Variants in NDOR1 observed in about 807,000 individuals in gnomAD.
The protein encoded by NDOR1 is NADPH dependent diflavin oxidoreductase 1, also known as NADPH-dependent diflavin oxidoreductase 1.
In NDOR1, 61 loss-of-function variants were observed where a neutral mutation model predicts 67.2. That is an observed-to-expected ratio of 0.91 (90% CI 0.74 to 1.12). The LOEUF (loss-of-function observed/expected upper bound fraction) is 1.12. Among genes scored for constraint, NDOR1 ranks in the 50% most tolerant of loss-of-function variants. The pLI is 0.00. For synonymous variants in NDOR1, 378 were observed against 343.7 expected (o/e 1.10, Z -1.10); for missense variants, 878 against 802.8 (o/e 1.09, Z -1.13).
intron 2 of NDOR1, 51 bp downstream of exon 2, chr9:137,206,360 C>T (rs972294854): frequency 6.3e-7 from 1 of 1,577,922 alleles, no homozygotes; most frequent in Admixed American, 1.7e-5. Flanking sequence ...GACCCTCACC[C>T]CGTTTTCATT....
rs149635086 is a variant in NDOR1, at chr9:137,215,396, G to A, written c.1174-11G>A. The A allele has an allele frequency of 3.1e-3, 2,567 of 836,864 alleles. 45 individuals carry two copies. In the African/African-American group the frequency reaches 0.041, roughly 13 times the overall value. 51.8% of individuals were successfully genotyped at this position (836,864 alleles called of 1,614,324 possible). A position where few individuals can be genotyped will look rare whatever the true frequency, so the allele number is the denominator to read the frequency against. ...CTTGTTCCACCACCCCCACCCCGCC[G>A]TCCTCCCCAGACTCACCCCTCACGG... is the stretch of plus-strand genomic sequence containing the variant. On this transcript the variant is annotated splice_polypyrimidine_tract_variant and intron_variant, in intron 9 of 13. Coordinates refer to ENST00000684003, the MANE Select transcript of NDOR1 (RefSeq NM_014434.4).
In NDOR1 at chr9:137,214,915, C is replaced by A; in HGVS notation, c.962C>A (p.Ser321Tyr). Residue 321 changes from serine (S) to tyrosine (Y), a missense_variant, in exon 8 of 14, where the codon TCC (serine) becomes TAC (tyrosine). Ser to Tyr is a moderately radical substitution (Grantham distance 144). Coordinates refer to ENST00000684003, the MANE Select transcript of NDOR1 (RefSeq NM_014434.4). ...TTCTTCGAACTCCTGGCCTGTCTAT[C>A]CCTCCATGAGCTGGAGCGGGAGAAG... ...RSFFELLACL[S>Y]LHELEREKLL... The A allele has an allele frequency of 6.2e-7, 1 of 1,613,114 alleles. No individual in the cohort carries two copies. The highest frequency in any genetic ancestry group is 8.5e-7 in the Non-Finnish European group (1 of 1,180,042).
Position 137,206,310 on chromosome 9 carries a change from G to A in NDOR1, c.213+1G>A, listed in dbSNP as rs756703032. The A allele has an allele frequency of 7.4e-6, 12 of 1,613,814 alleles. No individual in the cohort carries two copies. Among genetic ancestry groups the A allele is most frequent in the South Asian group, 1.1e-5 (1 of 91,088 alleles). On this transcript the variant is annotated splice_donor_variant, in intron 2 of 13. Coordinates refer to ENST00000684003, the MANE Select transcript of NDOR1 (RefSeq NM_014434.4). LOFTEE classifies it high-confidence loss of function. ...AGGAGACCCCCCTGACAACATGAAG[G>A]TAAGGCTGGCCTGATGTGGCTCCTC... is the stretch of plus-strand genomic sequence containing the variant.
intron 2 of NDOR1, 77 bp downstream of exon 2, chr9:137,206,386 G>A (rs995320515): frequency 5.0e-6 from 7 of 1,390,664 alleles, no homozygotes; most frequent in African/African-American, 1.4e-5. Flanking sequence ...GCGTCTAGGT[G>A]CAGTAAATAG....
In NDOR1 at chr9:137,214,363, C is replaced by T; in HGVS notation, c.672C>T (p.His224=). The change falls in exon 6 of 14, where the codon CAC becomes CAT. Residue 224 remains histidine (H), a synonymous_variant. Transcript: ENST00000684003. ...ACCAGAGAGTCACCGGCCCCTCCCA[C>T]TTCCAGGACGTTCGGCTGATTGAGT... ...ISNQRVTGPS[H]FQDVRLIEFD... 2.5e-6 allele frequency: 4 copies of T among 1,614,208 alleles called. No individual in the cohort carries two copies. The highest frequency in any genetic ancestry group is 3.4e-6 in the Non-Finnish European group (4 of 1,180,040).
chr9:137,206,641 A>G (rs956038539), intron 2 of NDOR1, among the ~76,000 whole-genome samples: 4 of 152,190 alleles, frequency 2.6e-5, no homozygotes, highest in Non-Finnish European at 4.4e-5. Context: ...TTTTAAGCAC[A>G]TATTCTATTC....
Position 137,205,845 on chromosome 9 carries a change from G to T in NDOR1, c.68G>T (p.Arg23Ile). ...QTGTAQDVSERLGREARRRRL... is the reference protein window; with the variant it reads ...QTGTAQDVSEILGREARRRRL... ...GGCACGGCTCAGGATGTGTCGGAGA[G>T]ACTGGGTCGCGAGGCCCGGCGCCGG... Residue 23 changes from arginine (R) to isoleucine (I), a missense_variant, in exon 1 of 14, where the codon AGA (arginine) becomes ATA (isoleucine). Physicochemically the swap from Arg to Ile is moderately conservative, Grantham distance 97. Transcript: ENST00000684003. 2 of 1,603,892 alleles carry T rather than the reference G, an allele frequency of 1.2e-6. No individual in the cohort carries two copies. The highest frequency in any genetic ancestry group is 1.7e-6 in the Non-Finnish European group (2 of 1,179,024).
At position 137,216,411 on chromosome 9, in the gene NDOR1, G is replaced by A. The variant is rs1835608544; in HGVS notation, c.1789G>A (p.Ala597Thr). Reference sequence around the variant, plus strand: ...ACGGCGCTTCCAGACAGAGACGTGGGCCTGAGGCCCGCGGCTGCCCGTGCC... The same window carrying A: ...ACGGCGCTTCCAGACAGAGACGTGGACCTGAGGCCCGCGGCTGCCCGTGCC... ...QTRRFQTETW[A>T] The change falls in exon 14 of 14, where the codon GCC (alanine) becomes ACC (threonine). Residue 597 changes from alanine to threonine, a missense_variant. Coordinates refer to ENST00000684003, the MANE Select transcript of NDOR1 (RefSeq NM_014434.4). 1.2e-6 allele frequency: 2 copies of A among 1,601,858 alleles called. No homozygotes were observed. The highest frequency in any genetic ancestry group is 1.7e-6 in the Non-Finnish European group (2 of 1,178,028).
At chr9:137,210,336 C>T (rs1588796843) in intron 2 of NDOR1, among the ~76,000 whole-genome samples, 1 of 152,196 alleles carries the variant, frequency 6.6e-6, no homozygotes, top group South Asian at 2.1e-4. Context: ...GATCCTCCCA[C>T]CTCAGCCTCC....
In NDOR1 at chr9:137,219,255, C is replaced by A. The variant is rs1357711150; in HGVS notation, c.*2839C>A. The A allele has an allele frequency of 6.6e-6, 1 of 152,288 alleles. No individual in the cohort carries two copies. Among genetic ancestry groups the A allele is most frequent in the Non-Finnish European group, 1.5e-5 (1 of 68,078 alleles). The allele number at this position is 152,288 out of a possible 1,614,324, so 9.4% of individuals were successfully genotyped here. ...TTGGAACATAAGCTCTGCCCCTGCA[C>A]ACCCTCATGTCACCACACCTGGGAT... On this transcript the variant is annotated 3_prime_UTR_variant, in exon 14 of 14. Coordinates refer to ENST00000684003, the MANE Select transcript of NDOR1 (RefSeq NM_014434.4).
rs1835688875 is a variant in NDOR1, at chr9:137,217,632, C to T, written c.*1216C>T. 9.4e-6 allele frequency: 2 copies of T among 212,308 alleles called. No homozygotes were observed. The highest frequency in any genetic ancestry group is 1.9e-5 in the Non-Finnish European group (2 of 107,942). 13.2% of individuals were successfully genotyped at this position (212,308 alleles called of 1,614,324 possible). A position where few individuals can be genotyped will look rare whatever the true frequency, so the allele number is the denominator to read the frequency against. ...GGGCCCAGGATCCACCCAGAGCAGGCAGGCCTTGCTGGGGCCCCAGTCAAG... is the reference window on the plus strand; with the variant it reads ...GGGCCCAGGATCCACCCAGAGCAGGTAGGCCTTGCTGGGGCCCCAGTCAAG... On this transcript the variant is annotated 3_prime_UTR_variant, in exon 14 of 14. Coordinates refer to ENST00000684003, the MANE Select transcript of NDOR1 (RefSeq NM_014434.4).
intron 3 of NDOR1, among the ~76,000 whole-genome samples, chr9:137,213,059 C>G (rs1479035073): frequency 1.3e-5 from 2 of 152,204 alleles, no homozygotes; most frequent in South Asian, 2.1e-4. Context: ...CGGTGAAAAC[C>G]CCGACTGTCC....
Position 137,213,657 on chromosome 9 carries a change from C to T in NDOR1, c.312-123C>T, listed in dbSNP as rs564738069. On this transcript the variant is annotated intron_variant, in intron 3 of 13. Transcript: ENST00000684003. ...CGGCCAGCGTGGAGTGTGTTTTCCA[C>T]CCGAGGGAGGCCCTCCCCAGGCTCC... The T allele has an allele frequency of 7.3e-5, 72 of 986,968 alleles. 2 individuals carry two copies. In the South Asian group the frequency reaches 1.1e-3, roughly 15 times the overall value. The allele number at this position is 986,968 out of a possible 1,614,324, so 61.1% of individuals were successfully genotyped here. A position where few individuals can be genotyped will look rare whatever the true frequency, so the allele number is the denominator to read the frequency against.
chr9:137,205,717 C>A lies in NDOR1; in HGVS notation c.-61C>A, dbSNP rs767630229. On this transcript the variant is annotated 5_prime_UTR_variant, in exon 1 of 14. Coordinates refer to ENST00000684003, the MANE Select transcript of NDOR1 (RefSeq NM_014434.4). The stretch of plus-strand genomic sequence containing the variant: ...CGGAAGGCGGAGCGGTCCCTGCAAC[C>A]CGGCCGGCGGGAACTGCCTTCTAGT... The A allele has an allele frequency of 1.4e-5, 23 of 1,596,148 alleles. No individual in the cohort carries two copies. Among genetic ancestry groups the A allele is most frequent in the Non-Finnish European group, 1.7e-5 (20 of 1,178,334 alleles).
At position 137,216,076 on chromosome 9, in the gene NDOR1, C is replaced by T. The variant is rs760322956; in HGVS notation, c.1555-18C>T. On this transcript the variant is annotated intron_variant, in intron 12 of 13. Coordinates refer to ENST00000684003, the MANE Select transcript of NDOR1 (RefSeq NM_014434.4). The stretch of plus-strand genomic sequence containing the variant: ...GGGAGCTCCGGCTCAGCCCCCAGCC[C>T]TGTTCTCTGCCCTACAGGAGCAGAA... The T allele has an allele frequency of 1.9e-5, 31 of 1,613,334 alleles. No homozygotes were observed. The East Asian group carries it at 6.7e-4, about 35-fold the overall frequency.
chr9:137,205,785 G>T lies in NDOR1; in HGVS notation c.8G>T (p.Ser3Ile), dbSNP rs746760315. The change falls in exon 1 of 14, where the codon AGC (serine) becomes ATC (isoleucine). Residue 3 changes from serine (S) to isoleucine (I), a missense_variant. Coordinates refer to ENST00000684003, the MANE Select transcript of NDOR1 (RefSeq NM_014434.4). ...ACCACCGGGCGCACCCCGATGCCGA[G>T]CCCGCAGCTTCTGGTGCTCTTCGGC... The part of the protein sequence containing the change: MP[S>I]PQLLVLFGSQ... The T allele has an allele frequency of 2.6e-5, 42 of 1,603,960 alleles. 1 individual carries two copies. In the East Asian group the frequency reaches 8.0e-4, roughly 31 times the overall value.
Position 137,214,408 on chromosome 9 carries a change from C to T in NDOR1, c.717C>T (p.Gly239=), listed in dbSNP as rs1835423681. The part of the protein sequence containing the change: ...RLIEFDILGS[G]ISFAAGDVVL... ...TTGAGTTTGACATCTTGGGCTCTGG[C>T]ATCAGGTGGGGACTGCTGGGGACCG... is the stretch of plus-strand genomic sequence containing the variant. Residue 239 remains glycine (G), a synonymous_variant, in exon 6 of 14, where the codon GGC becomes GGT. Coordinates refer to ENST00000684003, the MANE Select transcript of NDOR1 (RefSeq NM_014434.4). The T allele has an allele frequency of 6.2e-7, 1 of 1,614,114 alleles. No individual in the cohort carries two copies. Among genetic ancestry groups the T allele is most frequent in the Non-Finnish European group, 8.5e-7 (1 of 1,180,022 alleles).
At chr9:137,215,868 C>T (rs1453306892) in intron 11 of NDOR1, 31 bp from the exon 12 acceptor site, 39 of 1,612,378 alleles carry the variant, frequency 2.4e-5, no homozygotes, top group Non-Finnish European at 3.3e-5. Context: ...CCTCAAGGAC[C>T]TGTGGCCAAG....
chr9:137,205,903 C>T lies in NDOR1; in HGVS notation c.126C>T (p.Ser42=). The T allele has an allele frequency of 2.5e-6, 4 of 1,592,718 alleles. No homozygotes were observed. The highest frequency in any genetic ancestry group is 2.6e-6 in the Non-Finnish European group (3 of 1,175,332). Reference sequence around the variant, plus strand: ...GCTGCCGGGTGCAGGCCCTGGACTCCTACCCGGTGGTGAGGGCTCGCTAGG... The same window carrying T: ...GCTGCCGGGTGCAGGCCCTGGACTCTTACCCGGTGGTGAGGGCTCGCTAGG... The part of the protein sequence containing the change: ...RLGCRVQALD[S]YPVVNLINEP... The change falls in exon 1 of 14, where the codon TCC becomes TCT. Residue 42 remains serine (S), a synonymous_variant. Coordinates refer to ENST00000684003, the MANE Select transcript of NDOR1 (RefSeq NM_014434.4).
Sources: allele counts gnomAD v4.1 joint callset (sites outside exome capture counted in the v4.1 genomes callset), GRCh38; gene constraint gnomAD v4.1.1; transcripts MANE v1.5; gene names NCBI Gene and HGNC (gene_info 2026-07-23, HGNC 2026-07-21).